CABIN1: variants seen among roughly 807,000 people sequenced by gnomAD.
CABIN1 encodes the protein calcineurin binding protein 1.
A neutral mutation model predicts 227.7 loss-of-function variants in CABIN1; 133 were observed. The observed-to-expected ratio is 0.58, with a 90% confidence interval of 0.51 to 0.67. The LOEUF (loss-of-function observed/expected upper bound fraction) is 0.67, where lower values mean the gene tolerates loss of function less well. CABIN1 is among the 30% of genes least tolerant of loss of function. The pLI is 0.00. For missense variants in CABIN1, 2,408 were observed against 2,852.5 expected, an observed-to-expected ratio of 0.84 and a Z score of 3.55; for synonymous variants, 1,086 against 1,155.1, an observed-to-expected ratio of 0.94 and a Z score of 1.21.
At chr22:24,171,469 A>AT (rs1418473741) in intron 33 of CABIN1, among the ~76,000 whole-genome samples, 3 of 152,170 alleles carry the variant, frequency 2.0e-5, no homozygotes, top group Non-Finnish European at 4.4e-5. Flanking sequence ...CGGCCTGGAC[A>AT]TTCTCCCAGG....
chr22:24,070,663 C>T, intron 16 of CABIN1, 137 bp from the exon 17 acceptor site: 1 of 1,264,630 alleles, frequency 7.9e-7, no homozygotes, highest in Non-Finnish European at 1.2e-6. Context: ...CTGCATGGGG[C>T]CTATGTTGTG....
At chr22:24,174,733 CCT>C (rs1332105602) in intron 34 of CABIN1, among the ~76,000 whole-genome samples, 3 of 152,092 alleles carry the variant, frequency 2.0e-5, no homozygotes, top group African/African-American at 4.8e-5. Flanking sequence ...TGGCCAGAGG[CCT>C]CAGCTCCTCC....
At chr22:24,044,958 C>T (rs2037729882) in intron 6 of CABIN1, among the ~76,000 whole-genome samples, 1 of 148,018 alleles carries the variant, frequency 6.8e-6, no homozygotes, top group Non-Finnish European at 1.5e-5. Flanking sequence ...GAGTCTCTGT[C>T]ACCCAGGCTG....
intron 7 of CABIN1, among the ~76,000 whole-genome samples, chr22:24,050,434 G>A (rs912264817): frequency 1.3e-5 from 2 of 152,214 alleles, no homozygotes; most frequent in Admixed American, 6.5e-5. Context: ...ACACTTTGGT[G>A]AGCTTCACTT....
rs1338504071 is a variant in CABIN1, at chr22:24,070,997, A to T, written c.2430A>T (p.Ser810=). 1.2e-6 allele frequency: 2 copies of T among 1,614,222 alleles called. No individual in the cohort carries two copies. Reference sequence around the variant, plus strand: ...GCAGTGGTAGCATCCTGAAGGTATCATCCTCCACCACTGGCCTTGTGCGGC... The same window carrying T: ...GCAGTGGTAGCATCCTGAAGGTATCTTCCTCCACCACTGGCCTTGTGCGGC... The part of the protein sequence containing the change: ...ADSSGSILKV[S]SSTTGLVRLT... Residue 810 remains serine, a synonymous_variant, in exon 17 of 37, where the codon TCA becomes TCT. Coordinates refer to ENST00000263119, the MANE Select transcript of CABIN1 (RefSeq NM_012295.4).
intron 7 of CABIN1, among the ~76,000 whole-genome samples, chr22:24,050,354 A>C (rs1272506250): frequency 6.6e-6 from 1 of 152,208 alleles, no homozygotes; most frequent in Non-Finnish European, 1.5e-5. Context: ...AGGTCGCCTC[A>C]GAAGTGTGTC....
chr22:24,104,702 G>A (rs577602159), intron 26 of CABIN1, among the ~76,000 whole-genome samples: 23 of 152,294 alleles, frequency 1.5e-4, no homozygotes, highest in Middle Eastern at 3.4e-3. Flanking sequence ...CCGATTTCCC[G>A]GGCCAGCCTT....
chr22:24,032,614 A>G (rs1048834346), intron 1 of CABIN1, among the ~76,000 whole-genome samples: 1 of 152,240 alleles, frequency 6.6e-6, no homozygotes, highest in Admixed American at 6.5e-5. Flanking sequence ...GAATGTACAA[A>G]GACTCCAGTT....
At chr22:24,011,539 C>T (rs2034810102) in intron 1 of CABIN1, 172 bp downstream of exon 1, 1 of 152,280 alleles carries the variant, frequency 6.6e-6, no homozygotes, top group African/African-American at 2.4e-5. Context: ...GCCGGGCTTC[C>T]TGGCTGCCTC....
intron 29 of CABIN1, among the ~76,000 whole-genome samples, chr22:24,149,436 A>G (rs1331453746): frequency 6.6e-6 from 1 of 152,152 alleles, no homozygotes; most frequent in Non-Finnish European, 1.5e-5. Flanking sequence ...TGTCCAGGGG[A>G]CTTGTGATAG....
chr22:24,156,272 T>C (rs910665718), intron 29 of CABIN1, among the ~76,000 whole-genome samples: 2 of 151,992 alleles, frequency 1.3e-5, no homozygotes, highest in Non-Finnish European at 2.9e-5. Flanking sequence ...CCGTGGGCTG[T>C]GGTTTCCCCG....
intron 5 of CABIN1, 132 bp downstream of exon 5, chr22:24,041,405 T>A: frequency 1.7e-6 from 2 of 1,152,156 alleles, no homozygotes; most frequent in Non-Finnish European, 2.5e-6. Context: ...CCCAAGGCTC[T>A]AGGGTAGGTC....
intron 28 of CABIN1, among the ~76,000 whole-genome samples, chr22:24,123,149 A>G (rs1478728830): frequency 1.3e-5 from 2 of 152,118 alleles, no homozygotes; most frequent in East Asian, 1.9e-4. Flanking sequence ...ATCCCCACCC[A>G]GTAGCAGGGA....
At chr22:24,144,946 G>A (rs1325670755) in intron 29 of CABIN1, among the ~76,000 whole-genome samples, 1 of 152,264 alleles carries the variant, frequency 6.6e-6, no homozygotes, top group Non-Finnish European at 1.5e-5. Flanking sequence ...CTGGAGCACA[G>A]GCCCCATCAC....
chr22:24,059,787 A>G, intron 11 of CABIN1, 137 bp from the exon 12 acceptor site: 2 of 800,422 alleles, frequency 2.5e-6, no homozygotes, highest in Non-Finnish European at 4.3e-6. Context: ...TGATCTCAGC[A>G]CCACAACGTG....
rs117970386 is a variant in CABIN1, at chr22:24,124,112, C to T, written c.4632+4414C>T. Among the ~76,000 whole-genome samples the T allele has an allele frequency of 4.6e-5, 7 of 152,362 alleles. No individual in the cohort carries two copies. In the East Asian group the frequency reaches 1.3e-3, roughly 29 times the overall value. On this transcript the variant is annotated intron_variant, in intron 28 of 36. Transcript: ENST00000263119. ...AATGTGGGCTCTGAAGCTGGCCTCA[C>T]CTGGGTTCAGATCCTCGCTCCGCAT...
intron 29 of CABIN1, among the ~76,000 whole-genome samples, chr22:24,144,541 TCA>T (rs1402470921): frequency 6.6e-6 from 1 of 152,252 alleles, no homozygotes; most frequent in Non-Finnish European, 1.5e-5. Context: ...AACCCAGAGC[TCA>T]CAGTGTCTTT....
At chr22:24,068,161 A>G (rs1385639451) in intron 16 of CABIN1, among the ~76,000 whole-genome samples, 2 of 152,196 alleles carry the variant, frequency 1.3e-5, no homozygotes, top group Non-Finnish European at 2.9e-5. Flanking sequence ...CACCTCAGTC[A>G]TGGGGAAAGG....
intron 4 of CABIN1, among the ~76,000 whole-genome samples, chr22:24,040,214 G>A (rs2037257833): frequency 6.6e-6 from 1 of 152,206 alleles, no homozygotes; most frequent in Non-Finnish European, 1.5e-5. Context: ...GGGCCTTTTT[G>A]TATGATAAGT....
Sources: allele counts gnomAD v4.1 joint callset (sites outside exome capture counted in the v4.1 genomes callset), GRCh38; gene constraint gnomAD v4.1.1; transcripts MANE v1.5; gene names NCBI Gene and HGNC (gene_info 2026-07-23, HGNC 2026-07-21).